Variants in DSE observed in about 807,000 individuals in gnomAD.
DSE encodes the protein dermatan sulfate epimerase.
Under a neutral mutation model 84.4 loss-of-function variants are expected in DSE, and 36 were observed. The observed-to-expected ratio is 0.43, with a 90% confidence interval of 0.33 to 0.56. The LOEUF is 0.56. Ranked by LOEUF, DSE falls within the 20% of genes least tolerant of loss-of-function variation. The pLI is 0.06. For missense variants in DSE, 862 were observed against 1,169.6 expected (o/e 0.74, Z 3.84); for synonymous variants, 410 against 430.1 (o/e 0.95, Z 0.58).
intron 2 of DSE, among the ~76,000 whole-genome samples, chr6:116,332,021 C>T (rs1275220863): frequency 6.6e-6 from 1 of 152,120 alleles, no homozygotes; most frequent in Non-Finnish European, 1.5e-5. Context: ...AACTCAAAGA[C>T]TCTACAGATA....
At chr6:116,388,405 C>A (rs78726668) in intron 1 of DSE, among the ~76,000 whole-genome samples, 2,425 of 152,304 alleles carry the variant, frequency 0.016, 76 homozygotes, top group African/African-American at 0.054. Context: ...CTTCTGGAAA[C>A]ACCCTCATAG....
chr6:116,327,397 G>A (rs1776682632), intron 2 of DSE, among the ~76,000 whole-genome samples: 1 of 152,198 alleles, frequency 6.6e-6, no homozygotes, highest in African/African-American at 2.4e-5. Flanking sequence ...TTAAGGGACA[G>A]CGTTAGGAAA....
At position 116,435,588 on chromosome 6, in the gene DSE, TATG is replaced by T; in HGVS notation, c.1124_1126del (p.Asp375del). 2 of 1,568,026 alleles carry T rather than the reference TATG, an allele frequency of 1.3e-6. No homozygotes were observed. The highest frequency in any genetic ancestry group is 1.7e-6 in the Non-Finnish European group (2 of 1,158,344). Reference sequence around the variant, plus strand: ...TTAATTTTTCAAAATTAATTTCAGGTATGATGGCAGCTTGAAATCGGTTCCTCC... The same window carrying T: ...TTAATTTTTCAAAATTAATTTCAGGTATGGCAGCTTGAAATCGGTTCCTCC... On this transcript the variant is annotated inframe_deletion and splice_region_variant, in exon 6 of 6. Transcript: ENST00000644252.
chr6:116,428,987 T>G (rs1783631553), intron 3 of DSE, among the ~76,000 whole-genome samples: 1 of 152,200 alleles, frequency 6.6e-6, no homozygotes, highest in African/African-American at 2.4e-5. Flanking sequence ...CCTCATGTCT[T>G]CTGAAGAGGG....
chr6:116,258,476 G>T, exon 2 of DSE: 1 of 998,336 alleles, frequency 1.0e-6, no homozygotes, highest in Non-Finnish European at 1.6e-6. Context: ...AGGTTTATTG[G>T]GCAACAGCTG....
chr6:116,414,490 G>A (rs1376849035), intron 2 of DSE, among the ~76,000 whole-genome samples: 2 of 151,854 alleles, frequency 1.3e-5, no homozygotes, highest in Admixed American at 6.6e-5. Context: ...TCAGCTCACC[G>A]CAACCTCCAC....
intron 1 of DSE, among the ~76,000 whole-genome samples, chr6:116,393,745 T>C (rs894749181): frequency 9.2e-5 from 14 of 152,348 alleles, no homozygotes; most frequent in African/African-American, 3.4e-4. Flanking sequence ...GCACATATTA[T>C]AAGAGGGTTT....
At chr6:116,291,716 A>G (rs1189563567) in intron 2 of DSE, among the ~76,000 whole-genome samples, 2 of 152,130 alleles carry the variant, frequency 1.3e-5, no homozygotes, top group Non-Finnish European at 2.9e-5. Context: ...TGTGAAGGTT[A>G]TATGATTAAA....
intron 2 of DSE, among the ~76,000 whole-genome samples, chr6:116,260,813 G>A (rs190968772): frequency 2.0e-5 from 3 of 152,188 alleles, no homozygotes; most frequent in Admixed American, 2.0e-4. Flanking sequence ...TCTTATTTCT[G>A]GGTTCTGTAT....
chr6:116,377,043 AGT>A (rs532268185), intron 1 of DSE, among the ~76,000 whole-genome samples: 7 of 152,164 alleles, frequency 4.6e-5, no homozygotes, highest in South Asian at 4.1e-4. Context: ...AGAAATCCCC[AGT>A]GTGTGTATAA....
chr6:116,423,372 C>T (rs1247684904), intron 2 of DSE, among the ~76,000 whole-genome samples: 1 of 89,498 alleles, frequency 1.1e-5, no homozygotes, highest in South Asian at 2.9e-4. Context: ...CGTTCCCTCA[C>T]AGGTATCTTT....
Position 116,431,124 on chromosome 6 carries a change from A to C in DSE, c.841A>C (p.Asn281His). 6.2e-7 allele frequency: 1 copy of C among 1,614,216 alleles called. No homozygotes were observed. The highest frequency in any genetic ancestry group is 8.5e-7 in the Non-Finnish European group (1 of 1,180,046). ...QYMFLVQRHF[N>H]INHFGHPWLK... The stretch of plus-strand genomic sequence containing the variant: ...CATGTTTCTCGTCCAGAGGCACTTC[A>C]ACATCAACCACTTTGGCCATCCGTG... The change falls in exon 4 of 6, where the codon AAC becomes CAC. Residue 281 changes from asparagine to histidine, a missense_variant. By Grantham distance (68) the Asn-to-His change is moderately conservative. Coordinates refer to ENST00000644252, the MANE Select transcript of DSE (RefSeq NM_013352.4).
chr6:116,326,475 T>C (rs1776626940), intron 2 of DSE, among the ~76,000 whole-genome samples: 1 of 152,260 alleles, frequency 6.6e-6, no homozygotes, highest in African/African-American at 2.4e-5. Context: ...GCTGATAAGA[T>C]TTAAATGATG....
chr6:116,341,118 C>T (rs993377060), intron 2 of DSE, among the ~76,000 whole-genome samples: 1 of 152,150 alleles, frequency 6.6e-6, no homozygotes, highest in African/African-American at 2.4e-5. Flanking sequence ...TAAAAGTGTT[C>T]GTGTTTCTCC....
At position 116,284,229 on chromosome 6, in the gene DSE, G is replaced by A. The variant is rs535913101; in HGVS notation, c.-54+25262G>A. ...ACATTTTTGTTTTGCAGAAAGGTAGGTTTTATCATTATAATTAATGATAGC... is the reference window on the plus strand; with the variant it reads ...ACATTTTTGTTTTGCAGAAAGGTAGATTTTATCATTATAATTAATGATAGC... On this transcript the variant is annotated intron_variant, in intron 2 of 3. Transcript: ENST00000430252. Among the ~76,000 whole-genome samples, 4 of 152,272 alleles carry A rather than the reference G, an allele frequency of 2.6e-5. No individual in the cohort carries two copies. The South Asian group carries it at 8.3e-4, about 32-fold the overall frequency.
chr6:116,438,110 T>TA lies in DSE; in HGVS notation c.*766dup, dbSNP rs1784296301. On this transcript the variant is annotated 3_prime_UTR_variant, in exon 6 of 6. Coordinates refer to ENST00000644252, the MANE Select transcript of DSE (RefSeq NM_013352.4). ...GTATTTTCCTTATATGGAAAACCGT[T>TA]ATAGACCCAATAACAACTAAACCTT... The TA allele has an allele frequency of 6.6e-6, 1 of 152,544 alleles. No individual in the cohort carries two copies. The allele number at this position is 152,544 out of a possible 1,614,324, so 9.4% of individuals were successfully genotyped here. A position where few individuals can be genotyped will look rare whatever the true frequency, so the allele number is the denominator to read the frequency against.
At chr6:116,375,662 A>G in intron 1 of DSE, 1 of 659,232 alleles carries the variant, frequency 1.5e-6, no homozygotes, top group East Asian at 1.4e-4. Context: ...AATACAAGGT[A>G]TTGTGCATAG....
At chr6:116,412,937 G>A (rs941822918) in intron 2 of DSE, 3 of 151,278 alleles carry the variant, frequency 2.0e-5, no homozygotes, top group African/African-American at 7.3e-5. Flanking sequence ...TTACTAGTGA[G>A]AACATGCGGT....
chr6:116,317,333 A>G (rs1236934741), intron 2 of DSE, among the ~76,000 whole-genome samples: 2 of 152,254 alleles, frequency 1.3e-5, no homozygotes, highest in East Asian at 1.9e-4. Context: ...CCTGCAGTCA[A>G]AATCTAGGAG....
Sources: allele counts gnomAD v4.1 joint callset (sites outside exome capture counted in the v4.1 genomes callset), GRCh38; gene constraint gnomAD v4.1.1; transcripts MANE v1.5; gene names NCBI Gene and HGNC (gene_info 2026-07-23, HGNC 2026-07-21).